The following STK24 variants were observed in gnomAD, a reference collection of about 807,000 sequenced individuals.
STK24 encodes the protein serine/threonine kinase 24.
In STK24, 21 loss-of-function variants were observed where a neutral mutation model predicts 55.6. That is an observed-to-expected ratio of 0.38 (90% CI 0.27 to 0.54). The LOEUF is 0.54. STK24 is among the 20% of genes least tolerant of loss of function. The pLI is 0.79. For synonymous variants in STK24, 200 were observed against 215.2 expected (o/e 0.93, Z 0.62); for missense variants, 383 against 538.4 (o/e 0.71, Z 2.86).
intron 1 of STK24, among the ~76,000 whole-genome samples, chr13:98,526,346 G>A (rs1896428668): frequency 6.6e-6 from 1 of 152,156 alleles, no homozygotes; most frequent in African/African-American, 2.4e-5. Context: ...TGGATTTATT[G>A]AGGGTGTACT....
intron 1 of STK24, among the ~76,000 whole-genome samples, chr13:98,574,710 T>G (rs1897835378): frequency 6.6e-6 from 1 of 152,180 alleles, no homozygotes; most frequent in Non-Finnish European, 1.5e-5. Flanking sequence ...GAGAAACACT[T>G]AAGATCTTTC....
Position 98,448,460 on chromosome 13 carries a change from CG to C in STK24, c.*4712del. The C allele has an allele frequency of 3.0e-6, 2 of 676,004 alleles. No individual in the cohort carries two copies. The highest frequency in any genetic ancestry group is 5.2e-6 in the Non-Finnish European group (2 of 384,582). 41.9% of individuals were successfully genotyped at this position (676,004 alleles called of 1,614,324 possible). On this transcript the variant is annotated 3_prime_UTR_variant, in exon 11 of 11. Coordinates refer to ENST00000539966, the MANE Select transcript of STK24 (RefSeq NM_001032296.4). ...AGCAGCTCTCCTGTCTCCACAGCCG[CG>C]TTTTTTAACCCCGACCTCTCAGCGT...
chr13:98,462,413 A>T (rs1346436573), intron 7 of STK24, among the ~76,000 whole-genome samples: 1 of 151,814 alleles, frequency 6.6e-6, no homozygotes, highest in Non-Finnish European at 1.5e-5. Context: ...TCCCTCCCCC[A>T]TCATGAGATG....
chr13:98,468,416 C>T (rs1344009241), intron 5 of STK24, among the ~76,000 whole-genome samples: 2 of 152,288 alleles, frequency 1.3e-5, no homozygotes, highest in Middle Eastern at 3.4e-3. Context: ...AGTCTCTTGC[C>T]CCTAGGAGCA....
chr13:98,558,002 A>G (rs1171562175), intron 1 of STK24, among the ~76,000 whole-genome samples: 2 of 152,302 alleles, frequency 1.3e-5, no homozygotes, highest in Admixed American at 1.3e-4. Context: ...AGGTCTAGAT[A>G]CTTAATTACC....
intron 2 of STK24, among the ~76,000 whole-genome samples, chr13:98,501,370 CG>C (rs1447871819): frequency 6.6e-6 from 1 of 150,718 alleles, no homozygotes; most frequent in African/African-American, 2.4e-5. Context: ...AGGGGTGGGG[CG>C]GGGGCCAGGA....
At position 98,519,337 on chromosome 13, in the gene STK24, G is replaced by T; in HGVS notation, c.179C>A (p.Ala60Asp). 2 of 1,614,164 alleles carry T rather than the reference G, an allele frequency of 1.2e-6. No homozygotes were observed. The highest frequency in any genetic ancestry group is 3.3e-5 in the Admixed American group (2 of 60,032). The change falls in exon 2 of 11, where the codon GCT (alanine) becomes GAT (aspartate). Residue 60 changes from alanine to aspartate, a missense_variant. Physicochemically the swap from Ala to Asp is moderately radical, Grantham distance 126 (BLOSUM62 -2). Transcript: ENST00000539966. ...TTGAATGTCCTCTATCTCATCTTCA[G>T]CTTCTTCCAGATCAATGATCTTTAT... is the stretch of plus-strand genomic sequence containing the variant. ...VAIKIIDLEE[A>D]EDEIEDIQQE...
chr13:98,559,491 T>C (rs1341121300), intron 1 of STK24, among the ~76,000 whole-genome samples: 1 of 152,178 alleles, frequency 6.6e-6, no homozygotes, highest in Non-Finnish European at 1.5e-5. Flanking sequence ...TATGAGTCCA[T>C]TAAATCTTTT....
At chr13:98,573,858 TATA>T (rs1271944765) in intron 1 of STK24, among the ~76,000 whole-genome samples, 1 of 152,172 alleles carries the variant, frequency 6.6e-6, no homozygotes, top group Non-Finnish European at 1.5e-5. Context: ...TACAAAATGG[TATA>T]ATATCATCTA....
chr13:98,566,033 C>T (rs1248378518), intron 1 of STK24, among the ~76,000 whole-genome samples: 2 of 152,212 alleles, frequency 1.3e-5, no homozygotes, highest in East Asian at 1.9e-4. Flanking sequence ...CCTCCTCTCA[C>T]GCAGACAACC....
Position 98,446,860 on chromosome 13 carries a change from C to A in STK24, c.*6313G>T. ...ACGCACAGGGCCCTGCAGAAGAGGA[C>A]CCCCTCTTCCAAACATCAGGATTTC... On this transcript the variant is annotated 3_prime_UTR_variant, in exon 11 of 11. Transcript: ENST00000539966. The A allele has an allele frequency of 6.3e-7, 1 of 1,593,678 alleles. No individual in the cohort carries two copies. Among genetic ancestry groups the A allele is most frequent in the Non-Finnish European group, 8.6e-7 (1 of 1,163,368 alleles).
chr13:98,467,565 G>A (rs769682155), intron 5 of STK24, among the ~76,000 whole-genome samples: 2 of 152,154 alleles, frequency 1.3e-5, no homozygotes, highest in Non-Finnish European at 2.9e-5. Flanking sequence ...TCCCAAATTC[G>A]GGATTTGTCT....
In STK24 at chr13:98,475,230, G is replaced by C; in HGVS notation, c.439+20C>G. 1 of 1,587,742 alleles carries C rather than the reference G, an allele frequency of 6.3e-7. No individual in the cohort carries two copies. The highest frequency in any genetic ancestry group is 8.6e-7 in the Non-Finnish European group (1 of 1,162,276). On this transcript the variant is annotated intron_variant, in intron 4 of 10. Transcript: ENST00000539966. ...ACCACCTTCAGTATTTCAAAGGAATGAAAACGGATGTCCTCTTACCTTTAA... is the reference window on the plus strand; with the variant it reads ...ACCACCTTCAGTATTTCAAAGGAATCAAAACGGATGTCCTCTTACCTTTAA...
intron 2 of STK24, among the ~76,000 whole-genome samples, chr13:98,518,097 C>T (rs1244147900): frequency 1.3e-5 from 2 of 152,142 alleles, no homozygotes; most frequent in Non-Finnish European, 2.9e-5. Flanking sequence ...CACCTGACTC[C>T]AAAACTCACT....
chr13:98,447,980 A>T lies in STK24; in HGVS notation c.*5193T>A. 1.9e-6 allele frequency: 1 copy of T among 532,506 alleles called. No individual in the cohort carries two copies. 33.0% of individuals were successfully genotyped at this position (532,506 alleles called of 1,614,324 possible). On this transcript the variant is annotated 3_prime_UTR_variant, in exon 11 of 11. Transcript: ENST00000539966. ...GCAACCAGAGGCCACCTCGCTCCTA[A>T]CTGCTCCAATGGAGCGGGCAGTGTC... is the stretch of plus-strand genomic sequence containing the variant.
chr13:98,537,327 C>T (rs907764227), intron 1 of STK24, among the ~76,000 whole-genome samples: 7 of 152,342 alleles, frequency 4.6e-5, no homozygotes, highest in African/African-American at 1.7e-4. Flanking sequence ...GGGCCTTCCC[C>T]CTGGATGGCG....
At chr13:98,486,960 A>ATCCCT (rs1260548367) in intron 2 of STK24, among the ~76,000 whole-genome samples, 1 of 152,240 alleles carries the variant, frequency 6.6e-6, no homozygotes, top group African/African-American at 2.4e-5. Context: ...CATGAGTGGG[A>ATCCCT]AAGCACTTGG....
At chr13:98,493,033 TCTGA>T (rs968687005) in intron 2 of STK24, among the ~76,000 whole-genome samples, 17 of 151,908 alleles carry the variant, frequency 1.1e-4, no homozygotes, top group Admixed American at 2.0e-4. Context: ...TGAACTCTAA[TCTGA>T]CTGTCCAAAA....
chr13:98,545,633 CAAAAA>C (rs57995539), intron 1 of STK24, among the ~76,000 whole-genome samples: 1 of 118,150 alleles, frequency 8.5e-6, no homozygotes. Flanking sequence ...AACTCCATCT[CAAAAA>C]AAAAAAAAAA....
Sources: allele counts gnomAD v4.1 joint callset (sites outside exome capture counted in the v4.1 genomes callset), GRCh38; gene constraint gnomAD v4.1.1; transcripts MANE v1.5; gene names NCBI Gene and HGNC (gene_info 2026-07-23, HGNC 2026-07-21).